GCNT2: variants seen among roughly 807,000 people sequenced by gnomAD.
GCNT2 encodes N-acetyllactosaminide beta-1,6-N-acetylglucosaminyl-transferase.
Under a neutral mutation model 34.2 loss-of-function variants are expected in GCNT2, and 34 were observed. The observed-to-expected ratio is 1.00, with a 90% CI of 0.76 to 1.32. GCNT2 has a LOEUF of 1.32. Among genes scored for constraint, GCNT2 ranks in the 40% most tolerant of loss-of-function variants. The probability of loss-of-function intolerance (pLI) is 0.00; values close to 1 mark genes in which losing one functional copy is unlikely to be tolerated. For missense variants in GCNT2, 584 were observed against 489.4 expected (o/e 1.19, Z -1.82); for synonymous variants, 212 against 188.0 (o/e 1.13, Z -1.04).
At chr6:10,593,290 T>C (rs1764724873) in intron 3 of GCNT2, among the ~76,000 whole-genome samples, 1 of 152,178 alleles carries the variant, frequency 6.6e-6, no homozygotes, top group African/African-American at 2.4e-5. Context: ...CTCCTGTCAT[T>C]CCTTATCGAT....
rs201287621 is a variant in GCNT2 at position 10,588,070 on chromosome 6, A to G, written c.926-33281A>G. ...TCAATGCAGAAAGGTCCCCAATAAC[A>G]CGGCATTCCTAAGAGCTAAACTAGA... On this transcript the variant is annotated intron_variant, in intron 3 of 4. Coordinates refer to ENST00000495262, the MANE Select transcript of GCNT2 (RefSeq NM_145649.5). Among the ~76,000 whole-genome samples the G allele has an allele frequency of 7.2e-5, 11 of 152,304 alleles. No homozygotes were observed. The East Asian group carries it at 1.4e-3, about 19-fold the overall frequency.
At chr6:10,568,917 A>G (rs1294147140) in intron 3 of GCNT2, among the ~76,000 whole-genome samples, 1 of 152,046 alleles carries the variant, frequency 6.6e-6, no homozygotes, top group African/African-American at 2.4e-5. Flanking sequence ...GTCATTTAGG[A>G]AGCTTTTTCT....
chr6:10,615,405 C>G (rs1193628234), intron 3 of GCNT2, among the ~76,000 whole-genome samples: 1 of 152,132 alleles, frequency 6.6e-6, no homozygotes, highest in Admixed American at 6.5e-5. Context: ...GCCTTGACCT[C>G]CCATGCTCAG....
chr6:10,568,416 C>G (rs1450987527), intron 3 of GCNT2, among the ~76,000 whole-genome samples: 2 of 152,078 alleles, frequency 1.3e-5, no homozygotes, highest in Non-Finnish European at 2.9e-5. Context: ...CAAGTTCTAC[C>G]CTTCCTGTTT....
At chr6:10,593,510 A>T (rs2127420653) in intron 3 of GCNT2, among the ~76,000 whole-genome samples, 1 of 152,104 alleles carries the variant, frequency 6.6e-6, no homozygotes, top group Non-Finnish European at 1.5e-5. Context: ...GCTCATTTTT[A>T]AATTTTGTGT....
intron 3 of GCNT2, among the ~76,000 whole-genome samples, chr6:10,559,916 A>G (rs560621906): frequency 1.7e-4 from 26 of 152,328 alleles, no homozygotes; most frequent in Middle Eastern, 6.8e-3. Flanking sequence ...ACAGCAAACA[A>G]ATCTTCAAAT....
chr6:10,625,962 A>G (rs1269979742), intron 4 of GCNT2, among the ~76,000 whole-genome samples: 1 of 152,226 alleles, frequency 6.6e-6, no homozygotes, highest in Non-Finnish European at 1.5e-5. Context: ...GTTATGTGTA[A>G]TAAAAGATAT....
At chr6:10,603,558 C>T (rs1373306227) in intron 3 of GCNT2, among the ~76,000 whole-genome samples, 1 of 152,194 alleles carries the variant, frequency 6.6e-6, no homozygotes, top group Non-Finnish European at 1.5e-5. Context: ...CTCTGTTGCC[C>T]AGGCTGGAGT....
At chr6:10,603,824 T>TTC (rs1765187490) in intron 3 of GCNT2, among the ~76,000 whole-genome samples, 1 of 143,536 alleles carries the variant, frequency 7.0e-6, no homozygotes, top group Non-Finnish European at 1.5e-5. Context: ...AGTCTTTTTT[T>TTC]TTTTTTTTTT....
intron 3 of GCNT2, chr6:10,557,333 A>G: frequency 6.2e-7 from 1 of 1,611,614 alleles, no homozygotes; most frequent in Non-Finnish European, 8.5e-7. Flanking sequence ...GACACTCAAT[A>G]GGATTCCAGG....
chr6:10,523,046 C>T (rs1408463436), intron 1 of GCNT2, among the ~76,000 whole-genome samples: 3 of 152,222 alleles, frequency 2.0e-5, no homozygotes, highest in Non-Finnish European at 2.9e-5. Flanking sequence ...TTTAAGGCCT[C>T]GACTCCGCCT....
intron 3 of GCNT2, among the ~76,000 whole-genome samples, chr6:10,560,868 C>G (rs1445424389): frequency 2.0e-5 from 3 of 152,156 alleles, no homozygotes; most frequent in South Asian, 4.1e-4. Context: ...GCCCCAGTCT[C>G]TCACTCCTTT....
chr6:10,555,203 G>T (rs890951910), intron 3 of GCNT2, among the ~76,000 whole-genome samples: 1 of 152,060 alleles, frequency 6.6e-6, no homozygotes, highest in African/African-American at 2.4e-5. Flanking sequence ...GGCAGTCAAT[G>T]GTTAAGTTGG....
intron 3 of GCNT2, among the ~76,000 whole-genome samples, chr6:10,612,059 T>C (rs2127436377): frequency 6.6e-6 from 1 of 152,176 alleles, no homozygotes; most frequent in South Asian, 2.1e-4. Context: ...CAATCTCGGC[T>C]CACTGCAACC....
intron 3 of GCNT2, chr6:10,557,020 G>T: frequency 2.5e-6 from 4 of 1,613,474 alleles, no homozygotes; most frequent in Non-Finnish European, 3.4e-6. Flanking sequence ...AAACCAACAA[G>T]GAAATAGTTC....
chr6:10,598,173 T>G (rs1478170476), intron 3 of GCNT2, among the ~76,000 whole-genome samples: 2 of 152,188 alleles, frequency 1.3e-5, no homozygotes, highest in Non-Finnish European at 2.9e-5. Context: ...GCAGAAGTAT[T>G]TGAGGCAGGC....
At chr6:10,598,052 C>T (rs1391120546) in intron 3 of GCNT2, among the ~76,000 whole-genome samples, 3 of 152,092 alleles carry the variant, frequency 2.0e-5, no homozygotes, top group Non-Finnish European at 4.4e-5. Context: ...TGTCACTTAA[C>T]CTCTCTGGGC....
At chr6:10,527,432 T>TA (rs921434419) in intron 1 of GCNT2, 42 bp from the exon 2 acceptor site, 22 of 152,086 alleles carry the variant, frequency 1.4e-4, no homozygotes, top group African/African-American at 4.3e-4. Flanking sequence ...TTTCAATAAA[T>TA]AAATAAAATA....
chr6:10,570,406 C>T (rs1407571303), intron 3 of GCNT2, among the ~76,000 whole-genome samples: 1 of 152,196 alleles, frequency 6.6e-6, no homozygotes, highest in East Asian at 1.9e-4. Flanking sequence ...GAAATGTATT[C>T]TCCCATAATC....
Sources: allele counts gnomAD v4.1 joint callset (sites outside exome capture counted in the v4.1 genomes callset), GRCh38; gene constraint gnomAD v4.1.1; transcripts MANE v1.5; gene names NCBI Gene and HGNC (gene_info 2026-07-23, HGNC 2026-07-21).